RAPGEF4: variants seen among roughly 807,000 people sequenced by gnomAD.
RAPGEF4 encodes the protein Rap guanine nucleotide exchange factor 4, also known as RAP guanine-nucleotide-exchange factor (GEF) 4.
RAPGEF4 carries 66 observed loss-of-function variants against 147.9 expected under a neutral mutation model. The observed-to-expected ratio is 0.45, with a 90% CI of 0.37 to 0.55. RAPGEF4 has a LOEUF of 0.55. RAPGEF4 is among the 20% of genes least tolerant of loss of function. The probability of loss-of-function intolerance (pLI) is 0.00; values close to 1 mark genes in which losing one functional copy is unlikely to be tolerated. For synonymous variants in RAPGEF4, 419 were observed against 442.7 expected, an observed-to-expected ratio of 0.95 and a Z score of 0.67; for missense variants, 1,071 against 1,257.3, an observed-to-expected ratio of 0.85 and a Z score of 2.24.
chr2:172,790,521 A>T (rs1685707994), intron 1 of RAPGEF4, among the ~76,000 whole-genome samples: 1 of 152,166 alleles, frequency 6.6e-6, no homozygotes, highest in African/African-American at 2.4e-5. Context: ...GCGAGCTATA[A>T]TTAGAGAAAC....
Position 172,840,617 on chromosome 2 carries a change from T to A in RAPGEF4, c.444+26192T>A, listed in dbSNP as rs182624537. On this transcript the variant is annotated intron_variant, in intron 4 of 30. Coordinates refer to ENST00000397081, the MANE Select transcript of RAPGEF4 (RefSeq NM_007023.4). ...AAGTTCATCACTGCTGACTGTCACATCGTGAGCACCCAGTTAATATTTATT... is the reference window on the plus strand; with the variant it reads ...AAGTTCATCACTGCTGACTGTCACAACGTGAGCACCCAGTTAATATTTATT... Among the ~76,000 whole-genome samples, 14 of 152,352 alleles carry A rather than the reference T, an allele frequency of 9.2e-5. No individual in the cohort carries two copies. The East Asian group carries it at 2.7e-3, about 29-fold the overall frequency.
intron 4 of RAPGEF4, among the ~76,000 whole-genome samples, chr2:172,831,411 G>A (rs1337621077): frequency 2.1e-4 from 32 of 151,510 alleles, no homozygotes; most frequent in Admixed American, 8.6e-4. Context: ...TGGGATTACA[G>A]GTGCCTGCCA....
At chr2:172,912,208 G>C (rs1683501056) in intron 4 of RAPGEF4, among the ~76,000 whole-genome samples, 1 of 152,142 alleles carries the variant, frequency 6.6e-6, no homozygotes, top group Non-Finnish European at 1.5e-5. Flanking sequence ...CTTTTTATTA[G>C]TTACTGTCTC....
intron 6 of RAPGEF4, among the ~76,000 whole-genome samples, chr2:172,955,757 C>T (rs914079234): frequency 3.3e-5 from 5 of 152,212 alleles, no homozygotes; most frequent in Admixed American, 3.3e-4. Flanking sequence ...TCCCGCTGTC[C>T]TCCTGCCTAG....
At chr2:173,038,921 AG>A (rs1370850763) in intron 29 of RAPGEF4, among the ~76,000 whole-genome samples, 1 of 152,170 alleles carries the variant, frequency 6.6e-6, no homozygotes, top group Admixed American at 6.5e-5. Flanking sequence ...GGAAAAGTCA[AG>A]GTCACATTCA....
chr2:172,857,908 A>G (rs1307218385), intron 4 of RAPGEF4, among the ~76,000 whole-genome samples: 267 of 5,580 alleles, frequency 0.048, no homozygotes, highest in Non-Finnish European at 0.082. Context: ...AAAAAAAAAA[A>G]AAAAAAAAAA....
intron 1 of RAPGEF4, among the ~76,000 whole-genome samples, chr2:172,774,413 A>G (rs1005878005): frequency 2.0e-5 from 3 of 152,228 alleles, no homozygotes; most frequent in South Asian, 2.1e-4. Context: ...CAGAACCACT[A>G]GAACTCCAAA....
chr2:172,884,500 A>T (rs1412876184), intron 4 of RAPGEF4, among the ~76,000 whole-genome samples: 1 of 152,246 alleles, frequency 6.6e-6, no homozygotes, highest in Non-Finnish European at 1.5e-5. Flanking sequence ...CAGGCTTCTC[A>T]TACTACTTGT....
At chr2:172,905,894 C>T (rs1017347823) in intron 4 of RAPGEF4, among the ~76,000 whole-genome samples, 2 of 152,214 alleles carry the variant, frequency 1.3e-5, no homozygotes, top group Non-Finnish European at 1.5e-5. Context: ...AATAACTTGC[C>T]TTAAGAGGTC....
chr2:172,874,403 C>T (rs988338530), intron 4 of RAPGEF4, among the ~76,000 whole-genome samples: 2 of 152,044 alleles, frequency 1.3e-5, no homozygotes, highest in Non-Finnish European at 2.9e-5. Flanking sequence ...CCCTGCTCCC[C>T]TCACCCCACA....
intron 5 of RAPGEF4, 86 bp downstream of exon 5, chr2:172,917,960 G>C: frequency 2.7e-6 from 3 of 1,108,634 alleles, no homozygotes; most frequent in South Asian, 2.5e-5. Context: ...TCCTACACCA[G>C]CTTGTCAGAG....
intron 26 of RAPGEF4, among the ~76,000 whole-genome samples, chr2:173,032,013 G>C (rs1414251930): frequency 6.6e-6 from 1 of 152,100 alleles, no homozygotes. Context: ...GGAACTAGGG[G>C]ACACGTGTGG....
chr2:172,959,957 AG>A (rs1218989819), intron 6 of RAPGEF4, among the ~76,000 whole-genome samples: 1 of 151,988 alleles, frequency 6.6e-6, no homozygotes, highest in Non-Finnish European at 1.5e-5. Flanking sequence ...TGGTGGTGCA[AG>A]CCTGTAGTCC....
intron 1 of RAPGEF4, among the ~76,000 whole-genome samples, chr2:172,748,491 A>C (rs540067890): frequency 5.1e-4 from 77 of 152,186 alleles, no homozygotes; most frequent in African/African-American, 1.8e-3. Flanking sequence ...ATCAGATCTC[A>C]TGAGACTTAT....
intron 4 of RAPGEF4, among the ~76,000 whole-genome samples, chr2:172,866,090 C>T (rs904055968): frequency 3.3e-5 from 5 of 152,110 alleles, no homozygotes; most frequent in Admixed American, 6.5e-5. Context: ...TCTGAGTGTA[C>T]ATGGGCTTCT....
rs534873122 is a variant in RAPGEF4, at chr2:172,750,130, A to G, written c.65+14082A>G. Among the ~76,000 whole-genome samples, 15 of 152,114 alleles carry G rather than the reference A, an allele frequency of 9.9e-5. No homozygotes were observed. In the South Asian group the frequency reaches 2.9e-3, roughly 30 times the overall value. On this transcript the variant is annotated intron_variant, in intron 1 of 30. Transcript: ENST00000397081. ...TGTCTTCTTCTGAGCCCTCCAAACT[A>G]TTCCAACTTCTGCCTGTTACCCAGT...
At chr2:172,875,481 C>A (rs1443704080) in intron 4 of RAPGEF4, among the ~76,000 whole-genome samples, 1 of 152,028 alleles carries the variant, frequency 6.6e-6, no homozygotes, top group Non-Finnish European at 1.5e-5. Context: ...GCCAGTTTTC[C>A]CAGCACCATT....
At chr2:172,891,940 T>C (rs1316379779) in intron 4 of RAPGEF4, among the ~76,000 whole-genome samples, 3 of 152,206 alleles carry the variant, frequency 2.0e-5, no homozygotes, top group East Asian at 3.8e-4. Flanking sequence ...CTTTGAATGA[T>C]TGAACATACT....
rs1177411681 is a variant in RAPGEF4 at position 173,048,654 on chromosome 2, A to G, written c.2908A>G (p.Asn970Asp). ...GAGATACTACAGGAGCCAACCCTTC[A>G]GTAAGTTAAGTGCTGCCACCTCTTA... ...TVRYYRSQPF[N>D]PDAAQANKNH... is the part of the protein sequence containing the mutation. Residue 970 changes from asparagine to aspartate, a missense_variant and splice_region_variant, in exon 30 of 31, where the codon AAT becomes GAT. Asn to Asp is a conservative substitution (Grantham distance 23, BLOSUM62 1). Coordinates refer to ENST00000397081, the MANE Select transcript of RAPGEF4 (RefSeq NM_007023.4). 2 of 1,614,014 alleles carry G rather than the reference A, an allele frequency of 1.2e-6. No homozygotes were observed. Among genetic ancestry groups the G allele is most frequent in the Admixed American group, 3.3e-5 (2 of 60,002 alleles).
Sources: gnomAD v4.1 joint callset for allele counts (sites outside exome capture counted in the v4.1 genomes callset) on GRCh38, gnomAD v4.1.1 for gene constraint, MANE v1.5 for transcripts, NCBI Gene and HGNC (gene_info 2026-07-23, HGNC 2026-07-21) for gene names.